PITPNM2: variants seen among roughly 807,000 people sequenced by gnomAD.
The protein encoded by PITPNM2 is phosphatidylinositol transfer protein membrane associated 2, also known as membrane-associated phosphatidylinositol transfer protein 2.
PITPNM2 carries 35 observed loss-of-function variants against 132.2 expected under a neutral mutation model. The observed-to-expected ratio is 0.26, with a 90% CI of 0.20 to 0.35. The LOEUF is 0.35. Ranked by LOEUF, PITPNM2 falls within the 10% of genes least tolerant of loss-of-function variation. PITPNM2 has a pLI of 1.00. For missense variants in PITPNM2, 1,332 were observed against 1,912.0 expected (o/e 0.70, Z 5.66); for synonymous variants, 738 against 799.2 (o/e 0.92, Z 1.29).
In PITPNM2 at chr12:123,150,927, C is replaced by T. The variant is rs1024063869; in HGVS notation, c.-374G>A. On this transcript the variant is annotated 5_prime_UTR_variant, in exon 1 of 26. Transcript: ENST00000320201. This position sits in a 1 kb window ranked among gnomAD's most constrained non-coding sequence, Gnocchi z 6.0. The stretch of plus-strand genomic sequence containing the variant: ...AGCGGCAGAGCCCCGGCGGGCATTG[C>T]TCCCGAGCGTCGCAGGCGGGCGGCG... Among the ~76,000 whole-genome samples, 5 of 145,964 alleles carry T rather than the reference C, an allele frequency of 3.4e-5. No individual in the cohort carries two copies. Among genetic ancestry groups the T allele is most frequent in the African/African-American group, 4.9e-5 (2 of 40,722 alleles).
At chr12:123,056,133 A>C (rs1486660712) in intron 2 of PITPNM2, among the ~76,000 whole-genome samples, 1 of 152,146 alleles carries the variant, frequency 6.6e-6, no homozygotes, top group Admixed American at 6.5e-5. Context: ...CTGCAGCTTG[A>C]GTTCCAGGCT....
At chr12:123,049,400 T>C (rs2040785133) in intron 2 of PITPNM2, among the ~76,000 whole-genome samples, 2 of 152,218 alleles carry the variant, frequency 1.3e-5, no homozygotes, top group South Asian at 2.1e-4. Flanking sequence ...AGATCCCGTG[T>C]GCCCTGTCTG....
At chr12:123,068,118 T>C (rs1361058607) in intron 2 of PITPNM2, among the ~76,000 whole-genome samples, 1 of 152,192 alleles carries the variant, frequency 6.6e-6, no homozygotes, top group Non-Finnish European at 1.5e-5. Context: ...ACATGGTACC[T>C]GAACAGCTTT....
chr12:123,128,124 G>C (rs558875916), intron 1 of PITPNM2, among the ~76,000 whole-genome samples: 1 of 151,704 alleles, frequency 6.6e-6, no homozygotes, highest in South Asian at 2.1e-4. Context: ...AATGCTACTA[G>C]AGCATTTGAC....
chr12:123,060,677 G>A (rs2041205527), intron 2 of PITPNM2, among the ~76,000 whole-genome samples: 1 of 152,234 alleles, frequency 6.6e-6, no homozygotes, highest in Non-Finnish European at 1.5e-5. Flanking sequence ...AGGCTGCAAG[G>A]AGGGTACCAA....
chr12:123,051,660 G>GGCTCTT (rs1276137269), intron 2 of PITPNM2, among the ~76,000 whole-genome samples: 3 of 152,174 alleles, frequency 2.0e-5, no homozygotes, highest in Non-Finnish European at 4.4e-5. Context: ...TGCTGGCTCT[G>GGCTCTT]GCTCTTAGTG....
At position 122,992,679 on chromosome 12, in the gene PITPNM2, G is replaced by A; in HGVS notation, c.2234-10C>T. The A allele has an allele frequency of 1.3e-6, 2 of 1,550,950 alleles. No homozygotes were observed. The highest frequency in any genetic ancestry group is 1.7e-6 in the Non-Finnish European group (2 of 1,145,928). On this transcript the variant is annotated splice_polypyrimidine_tract_variant and intron_variant, in intron 15 of 25. Coordinates refer to ENST00000320201, the MANE Select transcript of PITPNM2 (RefSeq NM_020845.3). This position sits in a 1 kb window ranked among gnomAD's most constrained non-coding sequence, Gnocchi z 6.5. ...GGCCGCAGCTGGAAAACTGGGGGTG[G>A]GGGTGTTGGCTGCAGAGCTGGGGCT...
At position 122,984,562 on chromosome 12, in the gene PITPNM2, CTG is replaced by C. The variant is rs1566224452; in HGVS notation, c.*1463_*1464del. On this transcript the variant is annotated 3_prime_UTR_variant, in exon 26 of 26. Coordinates refer to ENST00000320201, the MANE Select transcript of PITPNM2 (RefSeq NM_020845.3). Reference sequence around the variant, plus strand: ...CTGCACAAAATAAATAGCTTTCACTCTGTATAGACCCACTTTTGCAGAACATT... The same window carrying C: ...CTGCACAAAATAAATAGCTTTCACTCTATAGACCCACTTTTGCAGAACATT... 1 of 152,318 alleles carries C rather than the reference CTG, an allele frequency of 6.6e-6. No individual in the cohort carries two copies. The highest frequency in any genetic ancestry group is 2.4e-5 in the African/African-American group (1 of 41,462). 9.4% of individuals were successfully genotyped at this position (152,318 alleles called of 1,614,324 possible).
chr12:122,997,651 G>C, intron 10 of PITPNM2, 79 bp from the exon 11 acceptor site: 1 of 1,547,362 alleles, frequency 6.5e-7, no homozygotes, highest in Non-Finnish European at 8.8e-7. Flanking sequence ...CCTTGTTGGG[G>C]GTGTGCCTCT....
intron 2 of PITPNM2, among the ~76,000 whole-genome samples, chr12:123,068,014 T>A (rs1452366703): frequency 6.6e-6 from 1 of 152,150 alleles, no homozygotes; most frequent in Non-Finnish European, 1.5e-5. Flanking sequence ...CCCGTCTGCA[T>A]CCAGGCTCTT....
intron 1 of PITPNM2, among the ~76,000 whole-genome samples, chr12:123,119,748 C>A (rs1376218194): frequency 1.1e-4 from 16 of 150,756 alleles, no homozygotes. Flanking sequence ...AATACAGAGG[C>A]TTTTTTTCTG....
In PITPNM2 at chr12:123,000,595, C is replaced by A. The variant is rs1362692607; in HGVS notation, c.1224+183G>T. 4 of 692,146 alleles carry A rather than the reference C, an allele frequency of 5.8e-6. No homozygotes were observed. The highest frequency in any genetic ancestry group is 2.7e-5 in the East Asian group (1 of 36,944). 42.9% of individuals were successfully genotyped at this position (692,146 alleles called of 1,614,324 possible). A position where few individuals can be genotyped will look rare whatever the true frequency, so the allele number is the denominator to read the frequency against. ...GACCTCAGAGACAGAGGGCGACAGG[C>A]GCCTTCCTAGCAGGGCAGCAAAAAA... On this transcript the variant is annotated intron_variant, in intron 10 of 25. Coordinates refer to ENST00000320201, the MANE Select transcript of PITPNM2 (RefSeq NM_020845.3). This position sits in a 1 kb window ranked among gnomAD's most constrained non-coding sequence, Gnocchi z 5.4.
At chr12:123,040,752 A>C (rs764055032) in intron 2 of PITPNM2, among the ~76,000 whole-genome samples, 24 of 152,190 alleles carry the variant, frequency 1.6e-4, no homozygotes, top group South Asian at 2.1e-4. Flanking sequence ...AGAACATGAT[A>C]CTTTTTTAAA....
chr12:123,030,316 G>A (rs2040035840), intron 3 of PITPNM2, among the ~76,000 whole-genome samples: 1 of 152,200 alleles, frequency 6.6e-6, no homozygotes, highest in African/African-American at 2.4e-5. Flanking sequence ...AAAACAGTCT[G>A]GTGGTTCCTG....
intron 2 of PITPNM2, among the ~76,000 whole-genome samples, chr12:123,061,754 G>A (rs1285504327): frequency 2.6e-5 from 4 of 152,238 alleles, no homozygotes; most frequent in East Asian, 3.9e-4. Context: ...AGCTTCTGAA[G>A]GTTGTAGGAG....
At chr12:123,128,346 G>A (rs972389391) in intron 1 of PITPNM2, among the ~76,000 whole-genome samples, 2 of 141,040 alleles carry the variant, frequency 1.4e-5, no homozygotes, top group Non-Finnish European at 3.0e-5. Flanking sequence ...GGAGGCTGAG[G>A]TGGGAGAATC....
intron 20 of PITPNM2, 131 bp downstream of exon 20, chr12:122,988,103 C>G: frequency 1.1e-6 from 1 of 923,660 alleles, no homozygotes; most frequent in Non-Finnish European, 1.7e-6. Context: ...AGTGGGCTGA[C>G]AGCTCCAACC....
At chr12:123,010,338 C>T (rs976818541) in intron 5 of PITPNM2, among the ~76,000 whole-genome samples, 2 of 152,310 alleles carry the variant, frequency 1.3e-5, no homozygotes, top group Non-Finnish European at 2.9e-5. Context: ...CCCACCTCAG[C>T]CTCTCAAAGT....
chr12:123,068,299 CTACTAAAAA>C (rs1162045186), intron 2 of PITPNM2, among the ~76,000 whole-genome samples: 1 of 152,038 alleles, frequency 6.6e-6, no homozygotes, highest in Non-Finnish European at 1.5e-5. Flanking sequence ...AACCCCGTCT[CTACTAAAAA>C]TACAAAAAAT....
Sources: allele counts gnomAD v4.1 joint callset (sites outside exome capture counted in the v4.1 genomes callset), GRCh38; gene constraint gnomAD v4.1.1; non-coding constraint Gnocchi (gnomAD v3.1); transcripts MANE v1.5; gene names NCBI Gene and HGNC (gene_info 2026-07-23, HGNC 2026-07-21).